The following PTPRF variants were observed in gnomAD, a reference collection of about 807,000 sequenced individuals.
The protein encoded by PTPRF is protein tyrosine phosphatase receptor type F, also known as receptor-type tyrosine-protein phosphatase F.
A neutral mutation model predicts 201.8 loss-of-function variants in PTPRF; 59 were observed. The observed-to-expected ratio is 0.29, with a 90% confidence interval of 0.24 to 0.36. The LOEUF (loss-of-function observed/expected upper bound fraction) is 0.36. Ranked by LOEUF, PTPRF falls within the 10% of genes least tolerant of loss-of-function variation. The pLI, the probability that PTPRF is intolerant of heterozygous loss-of-function variation, is 1.00. For missense variants in PTPRF, 2,132 were observed against 2,690.5 expected (o/e 0.79, Z 4.59); for synonymous variants, 1,088 against 1,089.7 (o/e 1.00, Z 0.03).
rs1466581866 is a variant in PTPRF, at chr1:43,605,392, A to G, written c.3338A>G (p.Asp1113Gly). Reference sequence around the variant, plus strand: ...CTGCCTGCCTCTGCCTACATAGAGGACGGCCGCTTCGATCTCTCCATGCCC... The same window carrying G: ...CTGCCTGCCTCTGCCTACATAGAGGGCGGCCGCTTCGATCTCTCCATGCCC... ...KPLPASAYIE[D>G]GRFDLSMPHV... Residue 1113 changes from aspartate (D) to glycine (G), a missense_variant, in exon 18 of 34, where the codon GAC becomes GGC. By Grantham distance (94) the Asp-to-Gly change is moderately conservative. Coordinates refer to ENST00000359947, the MANE Select transcript of PTPRF (RefSeq NM_002840.5). 1.2e-6 allele frequency: 2 copies of G among 1,613,596 alleles called. No individual in the cohort carries two copies. Among genetic ancestry groups the G allele is most frequent in the Admixed American group, 1.7e-5 (1 of 59,992 alleles).
rs1644103830 is a variant in PTPRF, at chr1:43,537,605, G to T, written c.-125-593G>T. On this transcript the variant is annotated intron_variant, in intron 1 of 33. Transcript: ENST00000359947. The surrounding 1 kb of genome is among the most constrained non-coding windows in gnomAD (Gnocchi z 4.8). ...AAATATATAAATAGTCATGTTTGTGGTCACGGCTCCAAGCCAAGGTCCAGG... is the reference window on the plus strand; with the variant it reads ...AAATATATAAATAGTCATGTTTGTGTTCACGGCTCCAAGCCAAGGTCCAGG... Among the ~76,000 whole-genome samples the T allele has an allele frequency of 6.6e-6, 1 of 152,236 alleles. No individual in the cohort carries two copies. The highest frequency in any genetic ancestry group is 2.4e-5 in the African/African-American group (1 of 41,458).
chr1:43,588,680 C>G lies in PTPRF; in HGVS notation c.680-51C>G. 1.3e-6 allele frequency: 2 copies of G among 1,596,712 alleles called. No homozygotes were observed. On this transcript the variant is annotated intron_variant, in intron 7 of 33. Transcript: ENST00000359947. This position sits in a 1 kb window ranked among gnomAD's most constrained non-coding sequence, Gnocchi z 5.3. The stretch of plus-strand genomic sequence containing the variant: ...AATGAGGGGCCCCTGCCCTTCCATG[C>G]AGTCGTGTGTCCTGCCCGGCCTGTG...
Position 43,620,822 on chromosome 1 carries a change from C to T in PTPRF, c.5365-16C>T. ...AGGCACGAATTCTAATCATGTACCC[C>T]ACCCACCTTTCCCAGGATGGGCAGT... On this transcript the variant is annotated splice_polypyrimidine_tract_variant and intron_variant, in intron 31 of 33. Coordinates refer to ENST00000359947, the MANE Select transcript of PTPRF (RefSeq NM_002840.5). The T allele has an allele frequency of 6.2e-7, 1 of 1,604,980 alleles. No individual in the cohort carries two copies. The highest frequency in any genetic ancestry group is 8.5e-7 in the Non-Finnish European group (1 of 1,175,034).
At chr1:43,613,584 C>T (rs1013786621) in intron 22 of PTPRF, 34 bp from the exon 23 acceptor site, 2 of 1,549,818 alleles carry the variant, frequency 1.3e-6, no homozygotes, top group Admixed American at 3.3e-5. Context: ...AAGCCTCACA[C>T]TAATGCTGCC....
intron 5 of PTPRF, among the ~76,000 whole-genome samples, chr1:43,560,038 G>A (rs982692428): frequency 1.3e-5 from 2 of 149,706 alleles, no homozygotes; most frequent in African/African-American, 4.9e-5. Context: ...TGTGCGCAGC[G>A]GGTAGTTTGC....
chr1:43,563,797 AAG>A (rs1203239302), intron 5 of PTPRF, among the ~76,000 whole-genome samples: 1 of 152,176 alleles, frequency 6.6e-6, no homozygotes, highest in Admixed American at 6.5e-5. Context: ...AATGGATGAC[AAG>A]AGTCTCCCTG....
chr1:43,594,141 A>G (rs1004623591), intron 11 of PTPRF, among the ~76,000 whole-genome samples: 1 of 152,124 alleles, frequency 6.6e-6, no homozygotes, highest in Admixed American at 6.5e-5. Flanking sequence ...GCTGCAGCAC[A>G]GCAGGTGCTT....
intron 10 of PTPRF, 140 bp downstream of exon 10, chr1:43,592,088 T>C: frequency 8.2e-7 from 1 of 1,225,120 alleles, no homozygotes; most frequent in Non-Finnish European, 1.1e-6. Context: ...GGCTTAGTGG[T>C]GCATGCGTGT....
intron 6 of PTPRF, among the ~76,000 whole-genome samples, chr1:43,573,503 C>T (rs1158511689): frequency 2.6e-5 from 4 of 152,196 alleles, no homozygotes; most frequent in Non-Finnish European, 5.9e-5. Context: ...GTGGGTGGGA[C>T]GCAGAGGGCT....
chr1:43,573,715 C>G (rs1234225007), intron 6 of PTPRF, among the ~76,000 whole-genome samples: 1 of 152,228 alleles, frequency 6.6e-6, no homozygotes, highest in African/African-American at 2.4e-5. Flanking sequence ...CCCCTTCAGT[C>G]CCCCACACCC....
chr1:43,545,220 C>A, intron 3 of PTPRF, 54 bp downstream of exon 3: 1 of 1,515,758 alleles, frequency 6.6e-7, no homozygotes, highest in South Asian at 1.2e-5. Context: ...TGGCATCCTT[C>A]CCAGCAGGAC....
chr1:43,598,311 C>T, intron 12 of PTPRF: 1 of 487,702 alleles, frequency 2.1e-6, no homozygotes, highest in East Asian at 3.2e-5. Flanking sequence ...TTTGAAAGGT[C>T]AAGATTGGGC....
intron 8 of PTPRF, among the ~76,000 whole-genome samples, chr1:43,589,819 A>G (rs1650172952): frequency 6.6e-6 from 1 of 151,512 alleles, no homozygotes; most frequent in Non-Finnish European, 1.5e-5. Flanking sequence ...GCAGTGAGCC[A>G]TGATCACACC....
intron 5 of PTPRF, among the ~76,000 whole-genome samples, chr1:43,566,523 CG>C (rs1447857289): frequency 2.6e-5 from 4 of 152,130 alleles, no homozygotes; most frequent in Non-Finnish European, 4.4e-5. Flanking sequence ...CCAGCTTCCG[CG>C]GGTGCCCGTG....
In PTPRF at chr1:43,531,590, CCGCAGCCGGCGCGCCCGGGTCTCGCT is replaced by C. The variant is rs1310057008; in HGVS notation, c.-126+504_-126+529del. 5.3e-5 allele frequency among the ~76,000 whole-genome samples: 8 copies of C among 149,554 alleles called. No individual in the cohort carries two copies. In the East Asian group the frequency reaches 1.6e-3, roughly 30 times the overall value. On this transcript the variant is annotated intron_variant, in intron 1 of 33. Transcript: ENST00000359947. Reference sequence around the variant, plus strand: ...CGCCCCCTCCCAGCCGGCGGGGGATCCGCAGCCGGCGCGCCCGGGTCTCGCTCGCGGCCCCGGCGCACGTGCGGTCC... The same window carrying C: ...CGCCCCCTCCCAGCCGGCGGGGGATCCGCGGCCCCGGCGCACGTGCGGTCC...
intron 8 of PTPRF, among the ~76,000 whole-genome samples, chr1:43,589,589 G>C (rs1240783988): frequency 2.0e-5 from 3 of 151,720 alleles, no homozygotes; most frequent in Non-Finnish European, 4.4e-5. Context: ...AGGCACGGTG[G>C]CTCATTCCTG....
rs1309029917 is a variant in PTPRF at position 43,620,914 on chromosome 1, G to A, written c.5441G>A (p.Gly1814Glu). 2.5e-6 allele frequency: 4 copies of A among 1,614,118 alleles called. No individual in the cohort carries two copies. Among genetic ancestry groups the A allele is most frequent in the African/African-American group, 2.7e-5 (2 of 74,946 alleles). ...PEQGVPKTGE[G>E]FIDFIGQVHK... ...CAGGGCGTGCCCAAGACAGGCGAGG[G>A]ATTCATTGACTTCATCGGGCAGGTG... Residue 1814 changes from glycine to glutamate, a missense_variant, in exon 32 of 34, where the codon GGA (glycine) becomes GAA (glutamate). Gly to Glu is a moderately conservative substitution (Grantham distance 98). Coordinates refer to ENST00000359947, the MANE Select transcript of PTPRF (RefSeq NM_002840.5).
chr1:43,563,432 TC>T (rs1341451696), intron 5 of PTPRF, among the ~76,000 whole-genome samples: 1 of 152,110 alleles, frequency 6.6e-6, no homozygotes, highest in Non-Finnish European at 1.5e-5. Context: ...TGCCTGGCAC[TC>T]CGGGGGACAT....
chr1:43,620,764 T>A (rs781332921), intron 31 of PTPRF, 74 bp from the exon 32 acceptor site: 25 of 1,556,780 alleles, frequency 1.6e-5, no homozygotes, highest in Non-Finnish European at 2.2e-5. Context: ...ATCATGGTAC[T>A]ACCCTGGTCT....
Sources: gnomAD v4.1 joint callset for allele counts (sites outside exome capture counted in the v4.1 genomes callset) on GRCh38, gnomAD v4.1.1 for gene constraint, Gnocchi (gnomAD v3.1) non-coding constraint, MANE v1.5 for transcripts, NCBI Gene and HGNC (gene_info 2026-07-23, HGNC 2026-07-21) for gene names.